RNF220: variants seen among roughly 807,000 people sequenced by gnomAD.
The protein encoded by RNF220 is ring finger protein 220.
RNF220 carries 7 observed loss-of-function variants against 67.1 expected under a neutral mutation model. The ratio of observed to expected loss-of-function variants is 0.10; its 90% CI spans 0.06 to 0.20. RNF220 has a LOEUF of 0.20. RNF220 is among the 10% of genes least tolerant of loss of function. The probability of loss-of-function intolerance (pLI) is 1.00; values close to 1 mark genes in which losing one functional copy is unlikely to be tolerated. For missense variants in RNF220, 565 were observed against 740.3 expected (o/e 0.76, Z 2.75); for synonymous variants, 270 against 283.2 (o/e 0.95, Z 0.47).
At chr1:44,608,026 C>T (rs976645864) in intron 2 of RNF220, among the ~76,000 whole-genome samples, 12 of 151,260 alleles carry the variant, frequency 7.9e-5, no homozygotes, top group Non-Finnish European at 1.8e-4. Flanking sequence ...TGGGCTCAAG[C>T]GATCCTCCTG....
intron 5 of RNF220, chr1:44,631,934 C>G (rs1644141547): frequency 1.1e-5 from 11 of 988,544 alleles, no homozygotes; most frequent in Non-Finnish European, 1.3e-5. Context: ...TGAACTTTCA[C>G]CCCCAGCGCG....
rs1183484402 is a variant in RNF220 at position 44,621,446 on chromosome 1, T to C, written c.759-1296T>C. 6.6e-6 allele frequency among the ~76,000 whole-genome samples: 1 copy of C among 152,236 alleles called. No homozygotes were observed. ...TGCTGTGAGGGGCTGTCTGGTACACTGTAGGCTGTTTAACATCCTCTACCT... is the reference window on the plus strand; with the variant it reads ...TGCTGTGAGGGGCTGTCTGGTACACCGTAGGCTGTTTAACATCCTCTACCT... On this transcript the variant is annotated intron_variant, in intron 3 of 14. Coordinates refer to ENST00000361799, the MANE Select transcript of RNF220 (RefSeq NM_018150.4). This position sits in a 1 kb window ranked among gnomAD's most constrained non-coding sequence, Gnocchi z 4.8.
In RNF220 at chr1:44,645,774, A is replaced by T. The variant is rs996771984; in HGVS notation, c.1445+286A>T. ...CGGCGGCCTTCGCCCGGGGAATGTGATGTATGGCCGCCCAGCCCAGCCGGC... is the reference window on the plus strand; with the variant it reads ...CGGCGGCCTTCGCCCGGGGAATGTGTTGTATGGCCGCCCAGCCCAGCCGGC... On this transcript the variant is annotated intron_variant, in intron 12 of 14. Transcript: ENST00000361799. This position sits in a 1 kb window ranked among gnomAD's most constrained non-coding sequence, Gnocchi z 5.0. Among the ~76,000 whole-genome samples, 13 of 152,266 alleles carry T rather than the reference A, an allele frequency of 8.5e-5. No individual in the cohort carries two copies. Among genetic ancestry groups the T allele is most frequent in the African/African-American group, 2.4e-4 (10 of 41,554 alleles).
chr1:44,493,287 G>A (rs1017694420), intron 2 of RNF220, among the ~76,000 whole-genome samples: 1 of 152,152 alleles, frequency 6.6e-6, no homozygotes, highest in Non-Finnish European at 1.5e-5. Context: ...AGGCCGAGGC[G>A]GGTGGATCAC....
At chr1:44,563,298 G>C (rs1386443565) in intron 2 of RNF220, among the ~76,000 whole-genome samples, 1 of 129,082 alleles carries the variant, frequency 7.7e-6, no homozygotes, top group Non-Finnish European at 1.9e-5. Flanking sequence ...CTGATGCTGA[G>C]GCAGGGCCCC....
At chr1:44,435,901 G>A (rs890205502) in intron 2 of RNF220, among the ~76,000 whole-genome samples, 1 of 151,844 alleles carries the variant, frequency 6.6e-6, no homozygotes, top group African/African-American at 2.4e-5. Flanking sequence ...CGTCTTGGGT[G>A]ACAGACTGAG....
intron 2 of RNF220, among the ~76,000 whole-genome samples, chr1:44,589,514 T>C (rs1665958888): frequency 6.7e-6 from 1 of 149,676 alleles, no homozygotes; most frequent in Admixed American, 6.8e-5. Context: ...CTCGGGAGGC[T>C]GAGGCGGGAG....
At chr1:44,542,114 A>G (rs1225447798) in intron 2 of RNF220, among the ~76,000 whole-genome samples, 1 of 152,150 alleles carries the variant, frequency 6.6e-6, no homozygotes, top group Non-Finnish European at 1.5e-5. Context: ...CAGCTGCTTC[A>G]CATGATGCCA....
chr1:44,572,582 C>A lies in RNF220; in HGVS notation c.626-41583C>A, dbSNP rs574339333. 3.9e-5 allele frequency among the ~76,000 whole-genome samples: 6 copies of A among 152,314 alleles called. No individual in the cohort carries two copies. The South Asian group carries it at 8.3e-4, about 21-fold the overall frequency. On this transcript the variant is annotated intron_variant, in intron 2 of 14. Coordinates refer to ENST00000361799, the MANE Select transcript of RNF220 (RefSeq NM_018150.4). ...ATGACAAAGTGAATCTCTCTCTGTA[C>A]ATTGCAATATCCTATTTACTGTTCC...
At chr1:44,631,002 G>A (rs902639711) in intron 5 of RNF220, among the ~76,000 whole-genome samples, 1 of 152,176 alleles carries the variant, frequency 6.6e-6, no homozygotes, top group Non-Finnish European at 1.5e-5. Flanking sequence ...AAGATGAGAC[G>A]GGAACAGCTG....
At chr1:44,580,317 A>G (rs16832091) in intron 2 of RNF220, among the ~76,000 whole-genome samples, 46,619 of 152,042 alleles carry the variant, frequency 0.31, 7,521 homozygotes, top group African/African-American at 0.4. Flanking sequence ...TGTTCTCAGC[A>G]GAATAGAACT....
At chr1:44,436,292 A>G (rs1281737267) in intron 2 of RNF220, among the ~76,000 whole-genome samples, 1 of 152,140 alleles carries the variant, frequency 6.6e-6, no homozygotes, top group Non-Finnish European at 1.5e-5. Flanking sequence ...CTGGGAGGAC[A>G]GAGTGGAGCT....
chr1:44,541,906 C>T (rs1382906078), intron 2 of RNF220, among the ~76,000 whole-genome samples: 7 of 152,192 alleles, frequency 4.6e-5, no homozygotes, highest in Non-Finnish European at 1.0e-4. Context: ...TGAGAGATTC[C>T]TCTTAAGAAA....
intron 2 of RNF220, among the ~76,000 whole-genome samples, chr1:44,599,065 G>A (rs1427019898): frequency 6.6e-6 from 1 of 151,982 alleles, no homozygotes; most frequent in African/African-American, 2.4e-5. Flanking sequence ...ATGCCAGACT[G>A]TATGCCTAGG....
intron 2 of RNF220, among the ~76,000 whole-genome samples, chr1:44,418,665 T>G (rs1224042099): frequency 6.6e-6 from 1 of 151,824 alleles, no homozygotes; most frequent in African/African-American, 2.4e-5. Flanking sequence ...ACACACACAT[T>G]GTATCCAAAT....
chr1:44,595,908 C>T (rs527551994), intron 2 of RNF220, among the ~76,000 whole-genome samples: 8 of 152,142 alleles, frequency 5.3e-5, no homozygotes, highest in African/African-American at 1.9e-4. Flanking sequence ...GGACTACAGG[C>T]GCCCGCCACC....
intron 2 of RNF220, among the ~76,000 whole-genome samples, chr1:44,476,110 C>T (rs923324916): frequency 1.3e-5 from 2 of 151,670 alleles, no homozygotes; most frequent in African/African-American, 2.4e-5. Context: ...CAATATATTG[C>T]TTAAGAACAT....
intron 5 of RNF220, among the ~76,000 whole-genome samples, chr1:44,628,503 C>T (rs1185101426): frequency 6.6e-6 from 1 of 152,146 alleles, no homozygotes; most frequent in African/African-American, 2.4e-5. Context: ...AGGTTAAGAC[C>T]CAAGACCCTG....
chr1:44,619,384 C>T (rs1014715280), intron 3 of RNF220, among the ~76,000 whole-genome samples: 1 of 152,076 alleles, frequency 6.6e-6, no homozygotes, highest in African/African-American at 2.4e-5. Flanking sequence ...GCAGTGCCCC[C>T]ACCCCCACTT....
Sources: allele counts gnomAD v4.1 joint callset (sites outside exome capture counted in the v4.1 genomes callset), GRCh38; gene constraint gnomAD v4.1.1; non-coding constraint Gnocchi (gnomAD v3.1); transcripts MANE v1.5; gene names NCBI Gene and HGNC (gene_info 2026-07-23, HGNC 2026-07-21).